TRIP10: variants seen among roughly 807,000 people sequenced by gnomAD.
The protein encoded by TRIP10 is cdc42-interacting protein 4.
Under a neutral mutation model 80.9 loss-of-function variants are expected in TRIP10, and 54 were observed. The ratio of observed to expected loss-of-function variants is 0.67; its 90% confidence interval spans 0.54 to 0.84. TRIP10 has a LOEUF of 0.84. Among genes scored for constraint, TRIP10 ranks in the 40% least tolerant of loss-of-function variants. The pLI is 0.00. For missense variants in TRIP10, 773 were observed against 815.3 expected (o/e 0.95, Z 0.63); for synonymous variants, 321 against 307.2 (o/e 1.04, Z -0.47).
rs1373136161 is a variant in TRIP10 at position 6,746,336 on chromosome 19, A to G, written c.1153-116A>G. The G allele has an allele frequency of 3.1e-5, 47 of 1,535,556 alleles. No homozygotes were observed. Among genetic ancestry groups the G allele is most frequent in the South Asian group, 3.6e-5 (3 of 82,556 alleles). ...AACCCAGACCTGCTTTGCTCTGTGCATGGCTTCGCTGTCAAGAACCATGGC... is the reference window on the plus strand; with the variant it reads ...AACCCAGACCTGCTTTGCTCTGTGCGTGGCTTCGCTGTCAAGAACCATGGC... On this transcript the variant is annotated intron_variant, in intron 10 of 14. Transcript: ENST00000313244. This position sits in a 1 kb window ranked among gnomAD's most constrained non-coding sequence, Gnocchi z 6.2.
Position 6,744,561 on chromosome 19 carries a change from A to G in TRIP10, c.650A>G (p.Gln217Arg). The change falls in exon 8 of 15, where the codon CAA becomes CGA. Residue 217 changes from glutamine to arginine, a missense_variant. Gln to Arg is a conservative substitution (Grantham distance 43). Transcript: ENST00000313244. The surrounding 1 kb of genome is among the most constrained non-coding windows in gnomAD (Gnocchi z 4.9). ...SQMPQIFDKLQDMDERRATRL... is the reference protein window; with the variant it reads ...SQMPQIFDKLRDMDERRATRL... ...TTGTCCCTGTCCTTACAGAAGCTCC[A>G]AGACATGGATGAACGCAGGGCCACC... is the stretch of plus-strand genomic sequence containing the variant. 1 of 1,614,136 alleles carries G rather than the reference A, an allele frequency of 6.2e-7. No individual in the cohort carries two copies. The highest frequency in any genetic ancestry group is 8.5e-7 in the Non-Finnish European group (1 of 1,180,024).
Position 6,751,081 on chromosome 19 carries a change from T to G in TRIP10, c.1676T>G (p.Ile559Ser). The G allele has an allele frequency of 6.5e-7, 1 of 1,533,254 alleles. No individual in the cohort carries two copies. Among genetic ancestry groups the G allele is most frequent in the Non-Finnish European group, 8.9e-7 (1 of 1,126,988 alleles). 95.0% of individuals were successfully genotyped at this position (1,533,254 alleles called of 1,614,324 possible). Residue 559 changes from isoleucine (I) to serine (S), a missense_variant, in exon 15 of 15, where the codon ATC (isoleucine) becomes AGC (serine). Coordinates refer to ENST00000313244, the MANE Select transcript of TRIP10 (RefSeq NM_001288962.2). ...ATCACAGGGTCCAGCGAGGGCACTA[T>G]CTCTATGGCCGAGGGTGAAGACCTC... ...YHFEGSSEGT[I>S]SMAEGEDLSL...
At position 6,751,215 on chromosome 19, in the gene TRIP10, C is replaced by G. The variant is rs534961500; in HGVS notation, c.*4C>G. 4.3e-5 allele frequency: 69 copies of G among 1,613,878 alleles called. No individual in the cohort carries two copies. The highest frequency in any genetic ancestry group is 5.8e-5 in the Non-Finnish European group (69 of 1,179,946). On this transcript the variant is annotated 3_prime_UTR_variant, in exon 15 of 15. Coordinates refer to ENST00000313244, the MANE Select transcript of TRIP10 (RefSeq NM_001288962.2). The stretch of plus-strand genomic sequence containing the variant: ...CCTCCGAGTCACGCTCAATTGAACC[C>G]TGCCAGAGACGGGAAGAGGGGGGCT...
intron 1 of TRIP10, 191 bp from the exon 2 acceptor site, chr19:6,740,819 C>G (rs1308194195): frequency 1.7e-6 from 1 of 579,708 alleles, no homozygotes. Context: ...TCCGGCCCTT[C>G]CCGGGAAGGG....
Position 6,750,281 on chromosome 19 carries a change from C to T in TRIP10, c.1396-11C>T, listed in dbSNP as rs368462114. ...CTGCCCTGGAACGATTTTCCTGTCC[C>T]CTCCTCCCAGGCGTGGCTGGCAGAA... On this transcript the variant is annotated splice_polypyrimidine_tract_variant and intron_variant, in intron 12 of 14. Transcript: ENST00000313244. The T allele has an allele frequency of 2.5e-5, 41 of 1,613,566 alleles. No individual in the cohort carries two copies. The highest frequency in any genetic ancestry group is 3.3e-5 in the Non-Finnish European group (39 of 1,179,834).
chr19:6,743,986 A>G, intron 7 of TRIP10, 150 bp downstream of exon 7: 1 of 1,077,958 alleles, frequency 9.3e-7, no homozygotes, highest in Non-Finnish European at 1.3e-6. Flanking sequence ...CTGTGCTTTT[A>G]GTCAGCTGTT....
At chr19:6,741,316 T>C in intron 3 of TRIP10, 35 bp downstream of exon 3, 1 of 1,585,230 alleles carries the variant, frequency 6.3e-7, no homozygotes, top group South Asian at 1.1e-5. Flanking sequence ...GCTAGATTTG[T>C]GGGGAAAGGC....
At position 6,739,729 on chromosome 19, in the gene TRIP10, G is replaced by A. The variant is rs1255797734; in HGVS notation, c.-33G>A. Reference sequence around the variant, plus strand: ...GCGGCGGGCGGCGGGGACCGGGTGCGGTGGTGGCTGCGGCGGCGGCGGCGG... The same window carrying A: ...GCGGCGGGCGGCGGGGACCGGGTGCAGTGGTGGCTGCGGCGGCGGCGGCGG... On this transcript the variant is annotated 5_prime_UTR_variant, in exon 1 of 15. Transcript: ENST00000313244. 5.2e-6 allele frequency: 7 copies of A among 1,354,882 alleles called. No homozygotes were observed. Among genetic ancestry groups the A allele is most frequent in the Non-Finnish European group, 6.7e-6 (7 of 1,046,602 alleles). 83.9% of individuals were successfully genotyped at this position (1,354,882 alleles called of 1,614,324 possible). A position where few individuals can be genotyped will look rare whatever the true frequency, so the allele number is the denominator to read the frequency against.
chr19:6,746,016 C>A lies in TRIP10; in HGVS notation c.985-13C>A. 1 of 894,310 alleles carries A rather than the reference C, an allele frequency of 1.1e-6. No homozygotes were observed. Among genetic ancestry groups the A allele is most frequent in the Non-Finnish European group, 1.4e-6 (1 of 697,240 alleles). The allele number at this position is 894,310 out of a possible 1,614,324, so 55.4% of individuals were successfully genotyped here. The stretch of plus-strand genomic sequence containing the variant: ...CCCTTCAACCTATCCCCCTCCCCGG[C>A]CCCCGCCGGTAGCCTCGCCCCCCAC... On this transcript the variant is annotated splice_polypyrimidine_tract_variant and intron_variant, in intron 9 of 14. Transcript: ENST00000313244. The surrounding 1 kb of genome is among the most constrained non-coding windows in gnomAD (Gnocchi z 6.2).
At chr19:6,739,981 C>T (rs920915344) in intron 1 of TRIP10, among the ~76,000 whole-genome samples, 196 bp downstream of exon 1, 1 of 152,144 alleles carries the variant, frequency 6.6e-6, no homozygotes, top group Non-Finnish European at 1.5e-5. Context: ...GCGACTTTGC[C>T]GGACCGGAGT....
In TRIP10 at chr19:6,745,257, G is replaced by A; in HGVS notation, c.984+263G>A. ...TCGGGATGCTGGGAGAAAACCTGCT[G>A]GTGGAATTCAGGGCTGGCCTGAGGG... On this transcript the variant is annotated intron_variant, in intron 9 of 14. Coordinates refer to ENST00000313244, the MANE Select transcript of TRIP10 (RefSeq NM_001288962.2). This position sits in a 1 kb window ranked among gnomAD's most constrained non-coding sequence, Gnocchi z 7.2. 1.9e-6 allele frequency: 1 copy of A among 529,700 alleles called. No homozygotes were observed. Among genetic ancestry groups the A allele is most frequent in the Non-Finnish European group, 3.3e-6 (1 of 303,750 alleles). 32.8% of individuals were successfully genotyped at this position (529,700 alleles called of 1,614,324 possible). A position where few individuals can be genotyped will look rare whatever the true frequency, so the allele number is the denominator to read the frequency against.
chr19:6,746,519 T>C lies in TRIP10; in HGVS notation c.1220T>C (p.Leu407Ser). The C allele has an allele frequency of 6.2e-7, 1 of 1,614,158 alleles. No individual in the cohort carries two copies. The highest frequency in any genetic ancestry group is 8.5e-7 in the Non-Finnish European group (1 of 1,180,016). The change falls in exon 11 of 15, where the codon TTG becomes TCG. Residue 407 changes from leucine (L) to serine (S), a missense_variant. By Grantham distance (145) the Leu-to-Ser change is moderately radical. Transcript: ENST00000313244. This position sits in a 1 kb window ranked among gnomAD's most constrained non-coding sequence, Gnocchi z 6.2. ...CAGCGAAAACGGCTTCAACAGCAGT[T>C]GGAAGAACGCAGTCGTGAACTTCAG... ...EQQRKRLQQQ[L>S]EERSRELQKE... is the part of the protein sequence containing the mutation.
chr19:6,746,034 C>G lies in TRIP10; in HGVS notation c.990C>G (p.Arg330=). The part of the protein sequence containing the change: ...RWPFGKKNKP[R]PPPLSPLGGP... ...TCCCCGGCCCCCGCCGGTAGCCTCG[C>G]CCCCCACCCCTCTCCCCCCTGGGGG... Residue 330 remains arginine, a synonymous_variant, in exon 10 of 15, where the codon CGC becomes CGG. Transcript: ENST00000313244. This position sits in a 1 kb window ranked among gnomAD's most constrained non-coding sequence, Gnocchi z 6.2. The G allele has an allele frequency of 1.0e-6, 1 of 980,500 alleles. No homozygotes were observed. Among genetic ancestry groups the G allele is most frequent in the Non-Finnish European group, 1.3e-6 (1 of 743,886 alleles). 60.7% of individuals were successfully genotyped at this position (980,500 alleles called of 1,614,324 possible).
rs745545377 is a variant in TRIP10, at chr19:6,741,089, G to T, written c.104G>T (p.Arg35Leu). 1 of 1,614,080 alleles carries T rather than the reference G, an allele frequency of 6.2e-7. No homozygotes were observed. Among genetic ancestry groups the T allele is most frequent in the Non-Finnish European group, 8.5e-7 (1 of 1,180,036 alleles). ...LDRYVKFVKE[R>L]TEVEQAYAKQ... ...AGATATGTAAAGTTCGTGAAAGAAC[G>T]CACCGAAGTGGAACAGGCTTACGCC... Residue 35 changes from arginine to leucine, a missense_variant, in exon 2 of 15, where the codon CGC becomes CTC. Arg to Leu is a moderately radical substitution (Grantham distance 102). Coordinates refer to ENST00000313244, the MANE Select transcript of TRIP10 (RefSeq NM_001288962.2).
At position 6,743,256 on chromosome 19, in the gene TRIP10, T is replaced by C. The variant is rs758836610; in HGVS notation, c.408T>C (p.Asn136=). The C allele has an allele frequency of 6.2e-7, 1 of 1,613,480 alleles. No individual in the cohort carries two copies. The change falls in exon 5 of 15, where the codon AAT becomes AAC. Residue 136 remains asparagine, a splice_region_variant and synonymous_variant. Transcript: ENST00000313244. ...AAAATGGCTTTAAACAGCTGGAGAA[T>C]GTGAGTTTGCAGAGGTAGCAGTGAC... ...QLENGFKQLE[N]SKRKFERDCR... is the part of the protein sequence containing the mutation.
rs1050943000 is a variant in TRIP10 at position 6,739,782 on chromosome 19, G to A, written c.21G>A (p.Leu7=). Reference sequence around the variant, plus strand: ...GCAGCATGGATTGGGGCACTGAGCTGTGGGTAAGTCCAATCGGCCCGCCTC... The same window carrying A: ...GCAGCATGGATTGGGGCACTGAGCTATGGGTAAGTCCAATCGGCCCGCCTC... MDWGTE[L]WDQFEVLERH... The change falls in exon 1 of 15, where the codon CTG becomes CTA. Residue 7 remains leucine, a synonymous_variant. Coordinates refer to ENST00000313244, the MANE Select transcript of TRIP10 (RefSeq NM_001288962.2). 9 of 1,470,454 alleles carry A rather than the reference G, an allele frequency of 6.1e-6. No individual in the cohort carries two copies. Among genetic ancestry groups the A allele is most frequent in the South Asian group, 1.4e-5 (1 of 70,502 alleles). 91.1% of individuals were successfully genotyped at this position (1,470,454 alleles called of 1,614,324 possible).
chr19:6,749,591 G>A (rs902921424), intron 11 of TRIP10, among the ~76,000 whole-genome samples: 1 of 140,314 alleles, frequency 7.1e-6, no homozygotes, highest in South Asian at 2.1e-4. Flanking sequence ...GCCCGGTGCT[G>A]TGGCTCATGC....
chr19:6,749,957 A>T lies in TRIP10; in HGVS notation c.1286A>T (p.Asp429Val), dbSNP rs1367713082. The T allele has an allele frequency of 1.2e-6, 2 of 1,613,990 alleles. No individual in the cohort carries two copies. Among genetic ancestry groups the T allele is most frequent in the African/African-American group, 2.7e-5 (2 of 74,908 alleles). The change falls in exon 12 of 15, where the codon GAT becomes GTT. Residue 429 changes from aspartate to valine, a missense_variant. Transcript: ENST00000313244. ...DQREALKKMKDVYEKTPQMGD... is the reference protein window; with the variant it reads ...DQREALKKMKVVYEKTPQMGD... ...AGGGAAGCCCTAAAGAAAATGAAGGATGTCTATGAGAAGACACCTCAGATG... is the reference window on the plus strand; with the variant it reads ...AGGGAAGCCCTAAAGAAAATGAAGGTTGTCTATGAGAAGACACCTCAGATG...
chr19:6,746,053 CTGGGGGG>C lies in TRIP10; in HGVS notation c.1010_1016del (p.Leu337ProfsTer24). Reference sequence around the variant, plus strand: ...GCCTCGCCCCCCACCCCTCTCCCCCCTGGGGGGCCCCGTACCCTCGGCATTGCCTAAC... The same window carrying C: ...GCCTCGCCCCCCACCCCTCTCCCCCCCCCCGTACCCTCGGCATTGCCTAAC... On this transcript the variant is annotated frameshift_variant, in exon 10 of 15. Transcript: ENST00000313244. LOFTEE classifies it high-confidence loss of function. This position sits in a 1 kb window ranked among gnomAD's most constrained non-coding sequence, Gnocchi z 6.2. The C allele has an allele frequency of 1.4e-6, 2 of 1,443,122 alleles. No individual in the cohort carries two copies. Among genetic ancestry groups the C allele is most frequent in the South Asian group, 1.4e-5 (1 of 70,258 alleles). The allele number at this position is 1,443,122 out of a possible 1,614,324, so 89.4% of individuals were successfully genotyped here.
Sources: gnomAD v4.1 joint callset for allele counts (sites outside exome capture counted in the v4.1 genomes callset) on GRCh38, gnomAD v4.1.1 for gene constraint, Gnocchi (gnomAD v3.1) non-coding constraint, MANE v1.5 for transcripts, NCBI Gene and HGNC (gene_info 2026-07-23, HGNC 2026-07-21) for gene names.